PCDH11X: variants seen among roughly 807,000 people sequenced by gnomAD.
The protein encoded by PCDH11X is protocadherin 11 X-linked.
PCDH11X carries 18 observed loss-of-function variants against 53.3 expected under a neutral mutation model. That is an observed-to-expected ratio of 0.34 (90% CI 0.23 to 0.50). PCDH11X has a LOEUF of 0.50. Among genes scored for constraint, PCDH11X ranks in the 20% least tolerant of loss-of-function variants. The probability of loss-of-function intolerance (pLI) is 0.98; values close to 1 mark genes in which losing one functional copy is unlikely to be tolerated. For synonymous variants in PCDH11X, 279 were observed against 393.3 expected (o/e 0.71, Z 3.44); for missense variants, 570 against 1,032.4 (o/e 0.55, Z 6.14).
intron 6 of PCDH11X, among the ~76,000 whole-genome samples, chrX:91,997,255 G>T (rs1450684949): frequency 1.8e-5 from 2 of 108,972 alleles, no homozygotes; most frequent in Non-Finnish European, 3.8e-5. Flanking sequence ...GTACTATGTT[G>T]AATAGAAGTG....
intron 10 of PCDH11X, among the ~76,000 whole-genome samples, chrX:92,484,116 A>G (rs757411226): frequency 1.4e-5 from 1 of 73,414 alleles, no homozygotes; most frequent in African/African-American, 4.5e-5. Flanking sequence ...GTGTATATAT[A>G]TAGTATATAT....
At chrX:91,943,585 G>C (rs2061535771) in intron 6 of PCDH11X, among the ~76,000 whole-genome samples, 1 of 104,894 alleles carries the variant, frequency 9.5e-6, no homozygotes, top group African/African-American at 3.5e-5. Flanking sequence ...AAATAGAAAA[G>C]AACTTCCACA....
chrX:92,022,346 GCAA>G (rs1272881831), intron 6 of PCDH11X, among the ~76,000 whole-genome samples: 2 of 107,980 alleles, frequency 1.9e-5, no homozygotes, highest in South Asian at 8.5e-4. Flanking sequence ...CAAATGGAAA[GCAA>G]CAACAACAAC....
At chrX:91,907,881 G>A (rs752623099) in intron 6 of PCDH11X, among the ~76,000 whole-genome samples, 16 of 111,769 alleles carry the variant, frequency 1.4e-4, no homozygotes, top group Admixed American at 1.2e-3. Flanking sequence ...AGAACATGCA[G>A]TGTATGGTTT....
intron 10 of PCDH11X, among the ~76,000 whole-genome samples, chrX:92,516,622 G>T (rs749799473): frequency 1.8e-4 from 20 of 112,015 alleles, no homozygotes; most frequent in African/African-American, 6.5e-4. Context: ...TTACATATAG[G>T]TTTACTATAA....
At chrX:91,868,684 T>C (rs943828633) in intron 5 of PCDH11X, among the ~76,000 whole-genome samples, 1 of 111,937 alleles carries the variant, frequency 8.9e-6, no homozygotes, top group African/African-American at 3.2e-5. Context: ...TTAGTTTTAT[T>C]TTCCTGATAT....
At chrX:92,278,420 T>C (rs1280152451) in intron 8 of PCDH11X, among the ~76,000 whole-genome samples, 4 of 111,792 alleles carry the variant, frequency 3.6e-5, no homozygotes, top group African/African-American at 1.3e-4. Context: ...AACATGGCTG[T>C]TTATTTCACG....
chrX:92,320,776 C>T (rs1420342153), intron 8 of PCDH11X, among the ~76,000 whole-genome samples: 6 of 111,341 alleles, frequency 5.4e-5, no homozygotes, highest in Admixed American at 9.6e-5. Context: ...CCTGCAAAGA[C>T]CAGAGACAGG....
intron 6 of PCDH11X, among the ~76,000 whole-genome samples, chrX:91,928,272 A>C (rs1942012915): frequency 9.1e-6 from 1 of 110,242 alleles, no homozygotes; most frequent in South Asian, 3.8e-4. Flanking sequence ...TGTGGATTTT[A>C]TTCTTTGTGG....
At chrX:91,860,208 A>G (rs1938584162) in intron 5 of PCDH11X, among the ~76,000 whole-genome samples, 1 of 108,875 alleles carries the variant, frequency 9.2e-6, no homozygotes, top group Admixed American at 9.9e-5. Context: ...ATTCCTAGGT[A>G]TTTGATTCTC....
At chrX:92,127,003 T>C (rs2148188660) in intron 6 of PCDH11X, among the ~76,000 whole-genome samples, 1 of 107,852 alleles carries the variant, frequency 9.3e-6, no homozygotes, top group Admixed American at 1.0e-4. Flanking sequence ...TTAATCTTTC[T>C]TAATGAGCAT....
intron 5 of PCDH11X, among the ~76,000 whole-genome samples, chrX:91,876,140 A>G (rs1939603116): frequency 9.0e-6 from 1 of 111,497 alleles, no homozygotes; most frequent in African/African-American, 3.3e-5. Context: ...GTGTGTTCTC[A>G]CTGATATATG....
chrX:92,608,049 C>T (rs890110491), intron 10 of PCDH11X, among the ~76,000 whole-genome samples: 13 of 110,604 alleles, frequency 1.2e-4, no homozygotes, highest in Admixed American at 3.9e-4. Flanking sequence ...ATTTTACATC[C>T]TATTCTTTGG....
At chrX:92,324,257 C>T (rs1302585656) in intron 8 of PCDH11X, among the ~76,000 whole-genome samples, 1 of 111,180 alleles carries the variant, frequency 9.0e-6, no homozygotes, top group African/African-American at 3.3e-5. Context: ...CTAGACTGCT[C>T]AGGTCATGCT....
chrX:92,193,371 T>A (rs2066233661), intron 6 of PCDH11X, among the ~76,000 whole-genome samples: 1 of 111,297 alleles, frequency 9.0e-6, no homozygotes, highest in Non-Finnish European at 1.9e-5. Flanking sequence ...TGTATAACTT[T>A]TGTTTTTTGG....
chrX:92,250,373 A>T (rs190853798), intron 7 of PCDH11X, among the ~76,000 whole-genome samples: 135 of 110,322 alleles, frequency 1.2e-3, no homozygotes, highest in Non-Finnish European at 2.0e-3. Context: ...GTTGCTTTGG[A>T]AAACAGTCTG....
chrX:91,904,405 T>A (rs1352447544), intron 6 of PCDH11X, among the ~76,000 whole-genome samples: 1 of 109,929 alleles, frequency 9.1e-6, no homozygotes, highest in African/African-American at 3.3e-5. Flanking sequence ...GATTGACTGA[T>A]TAATAAGCCA....
intron 9 of PCDH11X, among the ~76,000 whole-genome samples, chrX:92,389,978 CTT>C (rs1206453363): frequency 9.1e-6 from 1 of 109,852 alleles, no homozygotes; most frequent in Non-Finnish European, 1.9e-5. Flanking sequence ...GCATTAAAAA[CTT>C]TAGTTGCTCA....
At position 92,399,908 on chromosome X, in the gene PCDH11X, A is replaced by ATT. The variant is rs397961081; in HGVS notation, c.3343+11990_3343+11991dup. On this transcript the variant is annotated intron_variant, in intron 9 of 10. Transcript: ENST00000682573. Reference sequence around the variant, plus strand: ...AGGCACTGGCCACCACGCCCGGCTAATTTTTTTTTTTTTTTTGTATTTTTA... The same window carrying ATT: ...AGGCACTGGCCACCACGCCCGGCTAATTTTTTTTTTTTTTTTTTGTATTTTTA... 6.9e-3 allele frequency among the ~76,000 whole-genome samples: 629 copies of ATT among 91,412 alleles called. 16 individuals carry two copies. The highest frequency in any genetic ancestry group is 0.048 in the East Asian group (132 of 2,759). The allele number at this position is 91,412 out of a possible 115,157, so 79.4% of individuals were successfully genotyped here.
Sources: gnomAD v4.1 joint callset for allele counts (sites outside exome capture counted in the v4.1 genomes callset) on GRCh38, gnomAD v4.1.1 for gene constraint, MANE v1.5 for transcripts, NCBI Gene and HGNC (gene_info 2026-07-23, HGNC 2026-07-21) for gene names.